The following GSG1L variants were observed in gnomAD, a reference collection of about 807,000 sequenced individuals.
GSG1L encodes the protein germ cell-specific gene 1-like protein.
A neutral mutation model predicts 42.1 loss-of-function variants in GSG1L; 24 were observed. That is an observed-to-expected ratio of 0.57 (90% CI 0.41 to 0.80). The LOEUF (loss-of-function observed/expected upper bound fraction) is 0.80, where lower values mean the gene tolerates loss of function less well. Ranked by LOEUF, GSG1L falls within the 30% of genes least tolerant of loss-of-function variation. The pLI is 0.00. For missense variants in GSG1L, 445 were observed against 472.2 expected, an observed-to-expected ratio of 0.94 and a Z score of 0.53; for synonymous variants, 215 against 203.5, an observed-to-expected ratio of 1.06 and a Z score of -0.48.
At chr16:28,023,454 T>G (rs2085866965) in intron 1 of GSG1L, among the ~76,000 whole-genome samples, 1 of 152,242 alleles carries the variant, frequency 6.6e-6, no homozygotes, top group Admixed American at 6.5e-5. Flanking sequence ...GTTCATCTTG[T>G]GCACATACAA....
intron 1 of GSG1L, among the ~76,000 whole-genome samples, chr16:27,973,206 T>C (rs367741896): frequency 2.6e-5 from 4 of 152,044 alleles, no homozygotes; most frequent in South Asian, 4.2e-4. Context: ...TCCCAGCACT[T>C]TGGGAAGCTG....
At chr16:28,047,306 A>G (rs1259172801) in intron 1 of GSG1L, among the ~76,000 whole-genome samples, 2 of 152,224 alleles carry the variant, frequency 1.3e-5, no homozygotes, top group Admixed American at 6.5e-5. Flanking sequence ...ATGGAAGTCC[A>G]AGTATTAAAA....
At position 27,790,334 on chromosome 16, in the gene GSG1L, G is replaced by A. The variant is rs568055687; in HGVS notation, c.*1036C>T. On this transcript the variant is annotated 3_prime_UTR_variant, in exon 7 of 7. Transcript: ENST00000447459. ...GGGAAAAGCTCTAGAAATTCTTCTG[G>A]GAAGGAATAAGGCCTCTTGGGAAAT... The A allele has an allele frequency of 6.6e-6, 1 of 152,300 alleles. No individual in the cohort carries two copies. Among genetic ancestry groups the A allele is most frequent in the African/African-American group, 2.4e-5 (1 of 41,552 alleles). 9.4% of individuals were successfully genotyped at this position (152,300 alleles called of 1,614,324 possible).
At chr16:27,993,580 C>T (rs905638798) in intron 1 of GSG1L, among the ~76,000 whole-genome samples, 1 of 152,206 alleles carries the variant, frequency 6.6e-6, no homozygotes, top group African/African-American at 2.4e-5. Context: ...AATGGCCCAG[C>T]CTCGAAAAAA....
At chr16:27,811,791 G>C (rs925572227) in intron 5 of GSG1L, among the ~76,000 whole-genome samples, 1 of 152,182 alleles carries the variant, frequency 6.6e-6, no homozygotes, top group East Asian at 1.9e-4. Flanking sequence ...TGGAATTACA[G>C]GTGTGTGCCA....
intron 3 of GSG1L, among the ~76,000 whole-genome samples, chr16:27,858,595 G>C (rs1415294537): frequency 1.3e-5 from 2 of 152,180 alleles, no homozygotes. Context: ...AAGACAAAAA[G>C]GTCCCTGCCC....
At chr16:27,856,149 G>A (rs1427058816) in intron 3 of GSG1L, among the ~76,000 whole-genome samples, 1 of 149,610 alleles carries the variant, frequency 6.7e-6, no homozygotes, top group Admixed American at 6.6e-5. Context: ...CAGATGCCAG[G>A]AATGTGCACC....
chr16:27,844,979 G>T lies in GSG1L; in HGVS notation c.633C>A (p.Pro211=). The change falls in exon 4 of 7, where the codon CCC becomes CCA. Residue 211 remains proline, a synonymous_variant. Transcript: ENST00000447459. ...AGGACCACCCGTAGTCCCAGGAATGGGGTCTCCAGTCCTCAGGACCGAGGC... is the reference window on the plus strand; with the variant it reads ...AGGACCACCCGTAGTCCCAGGAATGTGGTCTCCAGTCCTCAGGACCGAGGC... ...TVSLGPEDWR[P]HSWDYGWSFC... The T allele has an allele frequency of 6.2e-7, 1 of 1,613,028 alleles. No individual in the cohort carries two copies. The highest frequency in any genetic ancestry group is 8.5e-7 in the Non-Finnish European group (1 of 1,179,208).
intron 1 of GSG1L, among the ~76,000 whole-genome samples, chr16:27,997,639 G>C (rs1158270932): frequency 6.6e-6 from 1 of 151,760 alleles, no homozygotes; most frequent in Non-Finnish European, 1.5e-5. Flanking sequence ...TTGTGATGTG[G>C]ACATCTTTGC....
chr16:27,929,181 G>A (rs779786142), intron 2 of GSG1L, among the ~76,000 whole-genome samples: 17 of 152,300 alleles, frequency 1.1e-4, no homozygotes, highest in Middle Eastern at 3.4e-3. Context: ...ATGGCTCCTG[G>A]GAAGGGACAG....
intron 1 of GSG1L, among the ~76,000 whole-genome samples, chr16:28,023,208 C>A (rs2085864380): frequency 6.6e-6 from 1 of 151,696 alleles, no homozygotes; most frequent in Admixed American, 6.6e-5. Context: ...TTATACTTAT[C>A]ATTCTATCTT....
chr16:27,921,834 C>T (rs1026138412), intron 2 of GSG1L, among the ~76,000 whole-genome samples: 1 of 152,150 alleles, frequency 6.6e-6, no homozygotes, highest in African/African-American at 2.4e-5. Flanking sequence ...GTACCTGTGA[C>T]CCACTATTGT....
intron 5 of GSG1L, among the ~76,000 whole-genome samples, chr16:27,814,954 G>C (rs1182538330): frequency 2.0e-5 from 3 of 151,186 alleles, no homozygotes; most frequent in Non-Finnish European, 4.4e-5. Flanking sequence ...TCTTTTGACA[G>C]GGTTCCACTC....
At chr16:28,042,550 T>C (rs893226556) in intron 1 of GSG1L, among the ~76,000 whole-genome samples, 5 of 152,028 alleles carry the variant, frequency 3.3e-5, no homozygotes, top group East Asian at 1.9e-4. Flanking sequence ...GAAGATTCCA[T>C]TGCAACCAGG....
intron 6 of GSG1L, among the ~76,000 whole-genome samples, chr16:27,796,303 G>A (rs180767929): frequency 6.6e-6 from 1 of 152,196 alleles, no homozygotes; most frequent in Non-Finnish European, 1.5e-5. Flanking sequence ...AGCTTGAAGA[G>A]TGGTGGAAAA....
intron 6 of GSG1L, among the ~76,000 whole-genome samples, chr16:27,799,328 G>A (rs2082856530): frequency 6.6e-6 from 1 of 152,006 alleles, no homozygotes; most frequent in Admixed American, 6.6e-5. Context: ...GAGGCCAGGA[G>A]TTCGAGACCA....
intron 5 of GSG1L, among the ~76,000 whole-genome samples, chr16:27,825,535 A>G (rs1002528951): frequency 6.6e-6 from 1 of 152,182 alleles, no homozygotes; most frequent in Admixed American, 6.5e-5. Context: ...TTAGCCAGTC[A>G]TGGTGGCACA....
intron 3 of GSG1L, among the ~76,000 whole-genome samples, chr16:27,878,404 C>T (rs920586655): frequency 6.6e-6 from 1 of 152,108 alleles, no homozygotes; most frequent in Non-Finnish European, 1.5e-5. Flanking sequence ...CCTTATGAAA[C>T]CATCAGAACT....
At chr16:27,887,654 A>G (rs994081416) in intron 2 of GSG1L, among the ~76,000 whole-genome samples, 5 of 152,216 alleles carry the variant, frequency 3.3e-5, no homozygotes, top group Admixed American at 2.0e-4. Context: ...ATCAAATAAA[A>G]CAAATAAACA....
Sources: gnomAD v4.1 joint callset for allele counts (sites outside exome capture counted in the v4.1 genomes callset) on GRCh38, gnomAD v4.1.1 for gene constraint, MANE v1.5 for transcripts, NCBI Gene and HGNC (gene_info 2026-07-23, HGNC 2026-07-21) for gene names.